The following PRORP variants were observed in gnomAD, a reference collection of about 807,000 sequenced individuals.
PRORP encodes protein only RNase P catalytic subunit.
In PRORP, 51 loss-of-function variants were observed where a neutral mutation model predicts 59.4. The ratio of observed to expected loss-of-function variants is 0.86; its 90% CI spans 0.69 to 1.08. The LOEUF is 1.08. Among genes scored for constraint, PRORP ranks in the 50% least tolerant of loss-of-function variants. PRORP has a pLI of 0.00. For missense variants in PRORP, 646 were observed against 690.3 expected (o/e 0.94, Z 0.72); for synonymous variants, 231 against 245.6 (o/e 0.94, Z 0.55).
At chr14:35,262,490 A>G (rs1594354580) in intron 5 of PRORP, 4 of 529,456 alleles carry the variant, frequency 7.6e-6, no homozygotes, top group East Asian at 3.8e-5. Context: ...CAGACTGTCA[A>G]CATTCCAGAA....
chr14:35,189,552 A>G (rs2048830950), intron 5 of PRORP, among the ~76,000 whole-genome samples: 1 of 151,946 alleles, frequency 6.6e-6, no homozygotes. Flanking sequence ...GGTTGATTCA[A>G]TTACTGTTTC....
intron 5 of PRORP, among the ~76,000 whole-genome samples, chr14:35,231,694 A>G (rs565772258): frequency 6.6e-6 from 1 of 152,316 alleles, no homozygotes; most frequent in East Asian, 1.9e-4. Context: ...TTTATAGCTG[A>G]AATTTAAAAA....
At position 35,143,605 on chromosome 14, in the gene PRORP, A is replaced by G. The variant is rs958912429; in HGVS notation, c.1167+15994A>G. Among the ~76,000 whole-genome samples, 5 of 146,162 alleles carry G rather than the reference A, an allele frequency of 3.4e-5. 1 individual carries two copies. The highest frequency in any genetic ancestry group is 2.1e-4 in the Admixed American group (3 of 14,142). On this transcript the variant is annotated intron_variant, in intron 4 of 7. Transcript: ENST00000534898. ...TACATTTTTGCAGGTCTTTTAAATAATATGGCTTAATAAAAGACAGATAGT... is the reference window on the plus strand; with the variant it reads ...TACATTTTTGCAGGTCTTTTAAATAGTATGGCTTAATAAAAGACAGATAGT...
chr14:35,260,787 T>G (rs1270469674), intron 5 of PRORP, among the ~76,000 whole-genome samples: 1 of 152,256 alleles, frequency 6.6e-6, no homozygotes, highest in Admixed American at 6.5e-5. Flanking sequence ...TGAAGGGTAT[T>G]TAACAGTCAA....
At chr14:35,127,368 A>G in intron 3 of PRORP, 111 bp from the exon 4 acceptor site, 1 of 747,972 alleles carries the variant, frequency 1.3e-6, no homozygotes, top group Non-Finnish European at 2.0e-6. Flanking sequence ...AAAGGTTTTA[A>G]TGTTCTTTTT....
chr14:35,123,195 AG>A lies in PRORP; in HGVS notation c.-47del. On this transcript the variant is annotated 5_prime_UTR_variant, in exon 2 of 8. Coordinates refer to ENST00000534898, the MANE Select transcript of PRORP (RefSeq NM_014672.4). ...AATCTCTTTAATTTTGCCATAGAAG[AG>A]GGGTTTTTTCAACATCTCTCTCACT... 1.9e-6 allele frequency: 3 copies of A among 1,550,190 alleles called. 1 individual carries two copies. The South Asian group carries it at 3.5e-5, about 18-fold the overall frequency.
chr14:35,199,313 G>A (rs1216806776), intron 5 of PRORP, among the ~76,000 whole-genome samples: 1 of 147,524 alleles, frequency 6.8e-6, no homozygotes, highest in African/African-American at 2.5e-5. Context: ...CCAGCCTGGC[G>A]AGAGAGTGAG....
At chr14:35,129,972 C>G (rs1490552898) in intron 4 of PRORP, among the ~76,000 whole-genome samples, 2 of 151,622 alleles carry the variant, frequency 1.3e-5, no homozygotes, top group African/African-American at 2.4e-5. Flanking sequence ...ACTGTACTAT[C>G]AATGTCTTGA....
At chr14:35,175,682 C>T (rs1490472151) in intron 4 of PRORP, among the ~76,000 whole-genome samples, 7 of 151,714 alleles carry the variant, frequency 4.6e-5, no homozygotes, top group African/African-American at 7.3e-5. Context: ...TTCTCCCATT[C>T]TGTAGGTTGC....
At chr14:35,232,840 T>C (rs540758292) in intron 5 of PRORP, among the ~76,000 whole-genome samples, 78 of 152,112 alleles carry the variant, frequency 5.1e-4, no homozygotes, top group African/African-American at 1.7e-3. Flanking sequence ...GACCGGCTAA[T>C]TTTTTTGTAT....
chr14:35,150,267 A>C (rs753882815), intron 4 of PRORP, among the ~76,000 whole-genome samples: 1 of 152,184 alleles, frequency 6.6e-6, no homozygotes, highest in Non-Finnish European at 1.5e-5. Context: ...TAGAATTATT[A>C]ATTGGCCTAA....
chr14:35,239,779 A>G (rs1025996309), intron 5 of PRORP, among the ~76,000 whole-genome samples: 3 of 152,180 alleles, frequency 2.0e-5, no homozygotes, highest in African/African-American at 7.2e-5. Context: ...TCTATAGAAT[A>G]AATTAGAAAA....
At chr14:35,153,661 A>G (rs75319517) in intron 4 of PRORP, among the ~76,000 whole-genome samples, 59 of 152,344 alleles carry the variant, frequency 3.9e-4, no homozygotes, top group African/African-American at 1.2e-3. Context: ...GAAACTGTAT[A>G]CTATATTTCT....
At chr14:35,170,318 T>C (rs10138693) in intron 4 of PRORP, among the ~76,000 whole-genome samples, 5,272 of 152,262 alleles carry the variant, frequency 0.035, 280 homozygotes, top group African/African-American at 0.11. Flanking sequence ...ATGTCTCCTT[T>C]TGGGTTAATT....
rs1267997549 is a variant in PRORP at position 35,143,204 on chromosome 14, G to C, written c.1167+15593G>C. 4.1e-5 allele frequency among the ~76,000 whole-genome samples: 6 copies of C among 145,600 alleles called. 2 individuals are homozygous for C. The East Asian group carries it at 1.2e-3, about 28-fold the overall frequency. ...GTCTCTCTCTGTTGCTCAGGCTGGA[G>C]TGCAGTGGCGCAATCGCTGCTCACT... On this transcript the variant is annotated intron_variant, in intron 4 of 7. Transcript: ENST00000534898.
chr14:35,184,319 C>CT (rs1333171162), intron 5 of PRORP, among the ~76,000 whole-genome samples: 1 of 151,980 alleles, frequency 6.6e-6, no homozygotes, highest in African/African-American at 2.4e-5. Context: ...TCAAATGAAT[C>CT]TTTTTTATAT....
At position 35,122,570 on chromosome 14, in the gene PRORP, G is replaced by A. The variant is rs1270046820; in HGVS notation, c.-360G>A. The A allele has an allele frequency of 6.5e-6, 1 of 153,966 alleles. No homozygotes were observed. Among genetic ancestry groups the A allele is most frequent in the Non-Finnish European group, 1.4e-5 (1 of 68,968 alleles). The allele number at this position is 153,966 out of a possible 1,614,324, so 9.5% of individuals were successfully genotyped here. ...GCACTGTAGTTTCCGCCGCGTTTAT[G>A]GCCGCGTTAAGTCTGAGTGCCGCTT... On this transcript the variant is annotated 5_prime_UTR_variant, in exon 1 of 8. An upstream start codon of the reference 5' UTR is lost. Transcript: ENST00000534898.
intron 4 of PRORP, among the ~76,000 whole-genome samples, chr14:35,174,858 C>T (rs559054096): frequency 4.0e-5 from 6 of 150,638 alleles, no homozygotes; most frequent in East Asian, 1.9e-4. Flanking sequence ...TCGTCATTTA[C>T]GTTACGTATA....
intron 5 of PRORP, among the ~76,000 whole-genome samples, chr14:35,248,309 T>C (rs1464616633): frequency 6.6e-6 from 1 of 152,222 alleles, no homozygotes; most frequent in Non-Finnish European, 1.5e-5. Flanking sequence ...CTTTTAGATC[T>C]GTGTACAAAG....
Sources: allele counts gnomAD v4.1 joint callset (sites outside exome capture counted in the v4.1 genomes callset), GRCh38; gene constraint gnomAD v4.1.1; transcripts MANE v1.5; gene names NCBI Gene and HGNC (gene_info 2026-07-23, HGNC 2026-07-21).